Variants in SYN3 observed in about 807,000 individuals in gnomAD.
SYN3 encodes the protein synapsin-3.
Under a neutral mutation model 65.8 loss-of-function variants are expected in SYN3, and 35 were observed. That is an observed-to-expected ratio of 0.53 (90% CI 0.41 to 0.70). SYN3 has a LOEUF of 0.70. Among genes scored for constraint, SYN3 ranks in the 30% least tolerant of loss-of-function variants. The pLI is 0.00. For synonymous variants in SYN3, 270 were observed against 292.9 expected (o/e 0.92, Z 0.80); for missense variants, 680 against 749.0 (o/e 0.91, Z 1.08).
Position 32,977,276 on chromosome 22 carries a change from C to A in SYN3, c.369+3369G>T, listed in dbSNP as rs2145631532. On this transcript the variant is annotated intron_variant, in intron 3 of 13. Coordinates refer to ENST00000358763, the MANE Select transcript of SYN3 (RefSeq NM_003490.4). ...GGGTGAGTTATTCTTAGGGCAATTCCCTGATGGTCCTGCTCATAGATTTTG... is the reference window on the plus strand; with the variant it reads ...GGGTGAGTTATTCTTAGGGCAATTCACTGATGGTCCTGCTCATAGATTTTG... Among the ~76,000 whole-genome samples, 2 of 152,246 alleles carry A rather than the reference C, an allele frequency of 1.3e-5. 1 individual carries two copies. The highest frequency in any genetic ancestry group is 6.8e-3 in the Middle Eastern group (2 of 294).
At chr22:32,664,841 C>T (rs888820864) in intron 6 of SYN3, among the ~76,000 whole-genome samples, 7 of 151,370 alleles carry the variant, frequency 4.6e-5, no homozygotes, top group African/African-American at 7.3e-5. Flanking sequence ...CTGCCCGCCT[C>T]GGCCTCCCAA....
intron 7 of SYN3, among the ~76,000 whole-genome samples, chr22:32,582,377 TCTCA>T (rs36094228): frequency 0.47 from 69,335 of 148,912 alleles, 18,101 homozygotes; most frequent in East Asian, 0.67. Context: ...TGAGACCGGG[TCTCA>T]CTCTGTTGCC....
chr22:32,962,325 G>A (rs977715627), intron 3 of SYN3, among the ~76,000 whole-genome samples: 9 of 151,782 alleles, frequency 5.9e-5, no homozygotes, highest in Non-Finnish European at 8.8e-5. Context: ...TAATAGAGAC[G>A]GGGTTTCACT....
At chr22:32,871,131 G>T (rs2048839587) in intron 4 of SYN3, among the ~76,000 whole-genome samples, 1 of 152,206 alleles carries the variant, frequency 6.6e-6, no homozygotes, top group Non-Finnish European at 1.5e-5. Context: ...TCTTCATGAG[G>T]AAATAATAAA....
intron 4 of SYN3, among the ~76,000 whole-genome samples, chr22:32,909,522 T>C (rs1348066593): frequency 6.6e-6 from 1 of 152,166 alleles, no homozygotes; most frequent in Non-Finnish European, 1.5e-5. Context: ...CTATTAGGCA[T>C]GTTTTATCTT....
At chr22:33,000,132 G>A (rs759238254) in intron 2 of SYN3, among the ~76,000 whole-genome samples, 4 of 152,140 alleles carry the variant, frequency 2.6e-5, no homozygotes, top group South Asian at 2.1e-4. Context: ...TTGGGAAGCC[G>A]AAGTGGGAGG....
At chr22:32,551,665 T>C (rs372959535) in intron 7 of SYN3, among the ~76,000 whole-genome samples, 3 of 152,098 alleles carry the variant, frequency 2.0e-5, no homozygotes, top group Non-Finnish European at 4.4e-5. Context: ...ACTGATGATA[T>C]ACTAGATGAT....
intron 6 of SYN3, among the ~76,000 whole-genome samples, chr22:32,695,276 A>C (rs756820628): frequency 6.6e-6 from 1 of 152,156 alleles, no homozygotes; most frequent in Non-Finnish European, 1.5e-5. Context: ...TGACTCTATT[A>C]TCAACTGAAT....
intron 3 of SYN3, among the ~76,000 whole-genome samples, chr22:32,955,348 G>A (rs563724148): frequency 6.6e-6 from 1 of 152,172 alleles, no homozygotes; most frequent in South Asian, 2.1e-4. Context: ...AAGTGTGCAT[G>A]GAAGTGCCAT....
chr22:33,013,652 C>T (rs1249955237), intron 1 of SYN3, among the ~76,000 whole-genome samples: 1 of 152,068 alleles, frequency 6.6e-6, no homozygotes, highest in African/African-American at 2.4e-5. Context: ...CTATTCTGTG[C>T]AAAAGATCAC....
At chr22:32,876,221 C>T (rs537986010) in intron 4 of SYN3, among the ~76,000 whole-genome samples, 2 of 152,268 alleles carry the variant, frequency 1.3e-5, no homozygotes, top group East Asian at 3.9e-4. Context: ...AGGGGCAAGG[C>T]AGCTCTCTGG....
intron 6 of SYN3, among the ~76,000 whole-genome samples, chr22:32,715,070 T>G (rs1181909097): frequency 6.6e-6 from 1 of 152,188 alleles, no homozygotes; most frequent in Non-Finnish European, 1.5e-5. Flanking sequence ...TAGGAAAACC[T>G]ACATGCCACA....
chr22:32,624,978 C>T (rs1291955565), intron 6 of SYN3, among the ~76,000 whole-genome samples: 1 of 152,216 alleles, frequency 6.6e-6, no homozygotes, highest in Non-Finnish European at 1.5e-5. Context: ...TCAAGGCACA[C>T]AAAGATCCTG....
Position 32,518,241 on chromosome 22 carries a change from G to GAT in SYN3, c.1411_1412insAT (p.Pro471HisfsTer73), listed in dbSNP as rs902794502. On this transcript the variant is annotated frameshift_variant, in exon 13 of 14. Transcript: ENST00000358763. LOFTEE classifies it high-confidence loss of function. Reference sequence around the variant, plus strand: ...TTGCTGCTGTGGAGATCCGGACTGGGGGCTCAGGGGCTGCTGGCCTTGTGG... The same window carrying GAT: ...TTGCTGCTGTGGAGATCCGGACTGGGATGGCTCAGGGGCTGCTGGCCTTGTGG... 1.9e-6 allele frequency: 3 copies of GAT among 1,613,580 alleles called. No individual in the cohort carries two copies. In the African/African-American group the frequency reaches 4.0e-5, roughly 22 times the overall value.
At chr22:32,904,331 C>T (rs1482222879) in intron 4 of SYN3, among the ~76,000 whole-genome samples, 1 of 152,166 alleles carries the variant, frequency 6.6e-6, no homozygotes, top group South Asian at 2.1e-4. Context: ...GCAGTCTATC[C>T]TCTCCTCCTC....
Position 32,980,536 on chromosome 22 carries a change from A to C in SYN3, c.369+109T>G, listed in dbSNP as rs1342252924. 37 of 1,000,466 alleles carry C rather than the reference A, an allele frequency of 3.7e-5. No homozygotes were observed. In the Admixed American group the frequency reaches 6.8e-4, roughly 18 times the overall value. 62.0% of individuals were successfully genotyped at this position (1,000,466 alleles called of 1,614,324 possible). ...AGTATAAGCTTGGACTTTTCTGGTA[A>C]TCTTGGCTCATTATGACCACATAAG... On this transcript the variant is annotated intron_variant, in intron 3 of 13. Transcript: ENST00000358763.
intron 4 of SYN3, among the ~76,000 whole-genome samples, chr22:32,899,667 GGCC>G (rs2049705096): frequency 6.6e-6 from 1 of 152,190 alleles, no homozygotes; most frequent in Non-Finnish European, 1.5e-5. Flanking sequence ...CATATAATAA[GGCC>G]TGGAGTTAAA....
At chr22:32,582,817 C>T (rs553786741) in intron 7 of SYN3, among the ~76,000 whole-genome samples, 9 of 152,320 alleles carry the variant, frequency 5.9e-5, no homozygotes, top group South Asian at 2.1e-4. Flanking sequence ...TCATCTGAAT[C>T]GGTGCCCTTG....
chr22:32,518,056 G>C lies in SYN3; in HGVS notation c.1597C>G (p.His533Asp). ...GEESKKPAPP[H>D]PHLNKSQSLT... The stretch of plus-strand genomic sequence containing the variant: ...CAAAGCACTTACTTGAGATGCGGAT[G>C]GGGTGGTGCTGGCTTCTTGGACTCT... Residue 533 changes from histidine (H) to aspartate (D), a missense_variant, in exon 13 of 14, where the codon CAT (histidine) becomes GAT (aspartate). Coordinates refer to ENST00000358763, the MANE Select transcript of SYN3 (RefSeq NM_003490.4). 6.6e-7 allele frequency: 1 copy of C among 1,521,464 alleles called. No homozygotes were observed. Among genetic ancestry groups the C allele is most frequent in the Non-Finnish European group, 8.8e-7 (1 of 1,137,124 alleles). 94.2% of individuals were successfully genotyped at this position (1,521,464 alleles called of 1,614,324 possible). A position where few individuals can be genotyped will look rare whatever the true frequency, so the allele number is the denominator to read the frequency against.
Sources: allele counts gnomAD v4.1 joint callset (sites outside exome capture counted in the v4.1 genomes callset), GRCh38; gene constraint gnomAD v4.1.1; transcripts MANE v1.5; gene names NCBI Gene and HGNC (gene_info 2026-07-23, HGNC 2026-07-21).